LAMA3: variants seen among roughly 807,000 people sequenced by gnomAD.
The protein encoded by LAMA3 is laminin subunit alpha 3.
A neutral mutation model predicts 402.0 loss-of-function variants in LAMA3; 281 were observed. That is an observed-to-expected ratio of 0.70 (90% CI 0.63 to 0.77). The LOEUF is 0.77. Among genes scored for constraint, LAMA3 ranks in the 30% least tolerant of loss-of-function variants. The probability of loss-of-function intolerance (pLI) is 0.00; values close to 1 mark genes in which losing one functional copy is unlikely to be tolerated. For missense variants in LAMA3, 3,840 were observed against 4,215.5 expected (o/e 0.91, Z 2.47); for synonymous variants, 1,431 against 1,558.4 (o/e 0.92, Z 1.93).
intron 1 of LAMA3, among the ~76,000 whole-genome samples, chr18:23,707,172 T>G (rs1420870198): frequency 4.6e-5 from 7 of 152,156 alleles, no homozygotes; most frequent in Non-Finnish European, 1.0e-4. Flanking sequence ...GGGTTGTCAG[T>G]TGGGGTAACT....
chr18:23,858,911 C>A, intron 34 of LAMA3, 82 bp downstream of exon 34: 1 of 1,401,116 alleles, frequency 7.1e-7, no homozygotes, highest in Non-Finnish European at 1.0e-6. Context: ...TGCTCCTTGG[C>A]CTGCAGTGTT....
chr18:23,785,802 A>C (rs1264530487), intron 12 of LAMA3, among the ~76,000 whole-genome samples: 7 of 152,232 alleles, frequency 4.6e-5, no homozygotes, highest in Non-Finnish European at 1.0e-4. Flanking sequence ...CTTCAGATTC[A>C]TTCTGGTAGA....
At chr18:23,734,171 G>T (rs532920023) in intron 2 of LAMA3, among the ~76,000 whole-genome samples, 1 of 152,312 alleles carries the variant, frequency 6.6e-6, no homozygotes, top group East Asian at 1.9e-4. Flanking sequence ...GGCCAAACTG[G>T]TATGCAGTGG....
intron 30 of LAMA3, 150 bp downstream of exon 30, chr18:23,845,274 C>G: frequency 4.4e-6 from 3 of 675,792 alleles, no homozygotes; most frequent in Non-Finnish European, 8.1e-6. Context: ...GGAAGATGCT[C>G]TTTCTCCACA....
rs562121248 is a variant in LAMA3, at chr18:23,710,202, A to G, written c.295-3718A>G. On this transcript the variant is annotated intron_variant, in intron 1 of 74. Transcript: ENST00000313654. ...TTTTGTGTGGCTGTGGACACCTTTAAACACTGCCTTCTTGGCCTTCAAAAC... is the reference window on the plus strand; with the variant it reads ...TTTTGTGTGGCTGTGGACACCTTTAGACACTGCCTTCTTGGCCTTCAAAAC... 9.0e-6 allele frequency: 6 copies of G among 667,312 alleles called. No individual in the cohort carries two copies. The African/African-American group carries it at 1.1e-4, about 12-fold the overall frequency. 41.3% of individuals were successfully genotyped at this position (667,312 alleles called of 1,614,324 possible). A position where few individuals can be genotyped will look rare whatever the true frequency, so the allele number is the denominator to read the frequency against.
chr18:23,822,064 T>C (rs1405800190), intron 19 of LAMA3, among the ~76,000 whole-genome samples, 188 bp from the exon 20 acceptor site: 3 of 152,226 alleles, frequency 2.0e-5, no homozygotes, highest in Admixed American at 6.5e-5. Flanking sequence ...AATTCATTGT[T>C]AGGTTTGCCT....
chr18:23,790,183 C>G (rs186607634), intron 12 of LAMA3, among the ~76,000 whole-genome samples: 1 of 152,288 alleles, frequency 6.6e-6, no homozygotes, highest in East Asian at 1.9e-4. Flanking sequence ...ACCTAGTGAT[C>G]TAGGACATCA....
chr18:23,808,119 A>G (rs551551688), intron 12 of LAMA3, among the ~76,000 whole-genome samples: 11 of 152,236 alleles, frequency 7.2e-5, no homozygotes, highest in South Asian at 2.1e-4. Context: ...CTGGATTTTT[A>G]GATCTTAGAG....
intron 1 of LAMA3, among the ~76,000 whole-genome samples, chr18:23,707,564 CTATT>C (rs1317172545): frequency 1.1e-4 from 16 of 152,194 alleles, no homozygotes; most frequent in South Asian, 4.1e-4. Context: ...TCATTGGAGA[CTATT>C]TATCACTTTT....
chr18:23,833,682 C>G, intron 23 of LAMA3, 146 bp from the exon 24 acceptor site: 1 of 812,422 alleles, frequency 1.2e-6, no homozygotes, highest in Non-Finnish European at 2.1e-6. Flanking sequence ...GGCATCTCAA[C>G]CTGTAGGACC....
chr18:23,824,703 C>G, intron 21 of LAMA3, 138 bp downstream of exon 21: 1 of 933,768 alleles, frequency 1.1e-6, no homozygotes, highest in Non-Finnish European at 1.7e-6. Flanking sequence ...AATTCAGCCC[C>G]AACCTAAGGA....
chr18:23,776,221 C>T (rs1475089137), intron 10 of LAMA3, among the ~76,000 whole-genome samples: 1 of 152,098 alleles, frequency 6.6e-6, no homozygotes, highest in Non-Finnish European at 1.5e-5. Context: ...GATTTTTCCT[C>T]CTAAATGTAG....
chr18:23,888,546 G>C (rs368110541), intron 41 of LAMA3, among the ~76,000 whole-genome samples: 1 of 152,232 alleles, frequency 6.6e-6, no homozygotes, highest in African/African-American at 2.4e-5. Context: ...GGGGCTGTGG[G>C]GGGGACCGGT....
At chr18:23,845,939 A>G (rs1175064825) in intron 30 of LAMA3, among the ~76,000 whole-genome samples, 1 of 152,154 alleles carries the variant, frequency 6.6e-6, no homozygotes, top group Non-Finnish European at 1.5e-5. Flanking sequence ...CCTCATTATC[A>G]TTTTATTAGT....
At position 23,899,022 on chromosome 18, in the gene LAMA3, A is replaced by G. The variant is rs2145101453; in HGVS notation, c.5793A>G (p.Lys1931=). The G allele has an allele frequency of 1.9e-6, 3 of 1,614,082 alleles. No individual in the cohort carries two copies. The highest frequency in any genetic ancestry group is 2.5e-6 in the Non-Finnish European group (3 of 1,179,944). Residue 1931 remains lysine (K), a synonymous_variant, in exon 46 of 75, where the codon AAA becomes AAG. Coordinates refer to ENST00000313654, the MANE Select transcript of LAMA3 (RefSeq NM_198129.4). ...NNVNRATQSA[K]ELDVKIKNVI... ...TTAATCGGGCAACACAAAGCGCAAAAGAACTGGATGTGAAGATTAAAAATG... is the reference window on the plus strand; with the variant it reads ...TTAATCGGGCAACACAAAGCGCAAAGGAACTGGATGTGAAGATTAAAAATG...
intron 11 of LAMA3, 154 bp downstream of exon 11, chr18:23,777,773 A>C (rs1598772285): frequency 7.1e-6 from 5 of 702,910 alleles, no homozygotes; most frequent in East Asian, 2.7e-5. Flanking sequence ...CCTACTCCCC[A>C]CCCATCAGTC....
chr18:23,729,148 G>T (rs983130102), intron 2 of LAMA3, among the ~76,000 whole-genome samples: 35 of 148,364 alleles, frequency 2.4e-4, no homozygotes, highest in African/African-American at 7.9e-4. Flanking sequence ...GTGTGTGTGT[G>T]TGTGTTTGTG....
rs548201968 is a variant in LAMA3 at position 23,770,776 on chromosome 18, C to T, written c.1183-2721C>T. On this transcript the variant is annotated intron_variant, in intron 8 of 74. Coordinates refer to ENST00000313654, the MANE Select transcript of LAMA3 (RefSeq NM_198129.4). ...ACTCTGTCTCAAAAACAAAACAAAA[C>T]AAAACAAAAAAAAGAGCTTAACATT... Among the ~76,000 whole-genome samples the T allele has an allele frequency of 2.6e-5, 4 of 151,508 alleles. No homozygotes were observed. The East Asian group carries it at 7.7e-4, about 29-fold the overall frequency.
At chr18:23,815,126 C>A in intron 15 of LAMA3, 62 bp from the exon 16 acceptor site, 1 of 1,468,412 alleles carries the variant, frequency 6.8e-7, no homozygotes, top group Non-Finnish European at 9.5e-7. Flanking sequence ...TGTAATGTTC[C>A]CAGAGCCAGG....
Sources: allele counts gnomAD v4.1 joint callset (sites outside exome capture counted in the v4.1 genomes callset), GRCh38; gene constraint gnomAD v4.1.1; transcripts MANE v1.5; gene names NCBI Gene and HGNC (gene_info 2026-07-23, HGNC 2026-07-21).